Variants in SPATA17 observed in about 807,000 individuals in gnomAD.
SPATA17 encodes spermatogenesis associated 17, also known as spermatogenesis-associated protein 17.
A neutral mutation model predicts 62.2 loss-of-function variants in SPATA17; 53 were observed. That is an observed-to-expected ratio of 0.85 (90% CI 0.68 to 1.07). SPATA17 has a LOEUF of 1.07. Ranked by LOEUF, SPATA17 falls within the 50% of genes least tolerant of loss-of-function variation. The probability of loss-of-function intolerance (pLI) is 0.00; values close to 1 mark genes in which losing one functional copy is unlikely to be tolerated. For synonymous variants in SPATA17, 146 were observed against 146.8 expected (o/e 0.99, Z 0.04); for missense variants, 466 against 425.5 (o/e 1.10, Z -0.84).
intron 8 of SPATA17, among the ~76,000 whole-genome samples, chr1:217,793,751 A>G (rs1051588491): frequency 6.6e-6 from 1 of 152,152 alleles, no homozygotes; most frequent in Non-Finnish European, 1.5e-5. Flanking sequence ...ACCAGGAGCG[A>G]TTGTGCAAAT....
intron 5 of SPATA17, among the ~76,000 whole-genome samples, chr1:217,711,085 T>TTCATCGTATGAATAAA (rs1671851123): frequency 6.6e-6 from 1 of 152,234 alleles, no homozygotes; most frequent in African/African-American, 2.4e-5. Context: ...TTGAGATGTT[T>TTCATCGTATGAATAAA]CCACTTTTTG....
intron 9 of SPATA17, among the ~76,000 whole-genome samples, chr1:217,828,852 T>A (rs368655288): frequency 2.6e-5 from 4 of 152,178 alleles, no homozygotes; most frequent in South Asian, 4.1e-4. Flanking sequence ...ATGCTCAGTA[T>A]TACTAATCAT....
At chr1:217,768,678 G>C (rs535360772) in intron 6 of SPATA17, among the ~76,000 whole-genome samples, 4 of 152,080 alleles carry the variant, frequency 2.6e-5, no homozygotes, top group African/African-American at 9.6e-5. Context: ...ATTTTTGGTA[G>C]AGATGGGGTT....
At chr1:217,755,892 C>T (rs1260328541) in intron 6 of SPATA17, among the ~76,000 whole-genome samples, 1 of 151,988 alleles carries the variant, frequency 6.6e-6, no homozygotes, top group African/African-American at 2.4e-5. Flanking sequence ...AAATCAACCT[C>T]GTTTGCTATT....
intron 5 of SPATA17, among the ~76,000 whole-genome samples, chr1:217,714,544 G>T (rs1016754749): frequency 2.1e-5 from 3 of 140,328 alleles, no homozygotes; most frequent in African/African-American, 8.1e-5. Flanking sequence ...GAGTGCAGTG[G>T]CACAATCTTG....
chr1:217,698,673 A>G (rs190510369), intron 5 of SPATA17, among the ~76,000 whole-genome samples: 1 of 151,440 alleles, frequency 6.6e-6, no homozygotes, highest in East Asian at 1.9e-4. Flanking sequence ...GTTGACCTTG[A>G]TACAAGCCAT....
chr1:217,837,228 T>C (rs924946509), intron 9 of SPATA17, among the ~76,000 whole-genome samples: 10 of 152,122 alleles, frequency 6.6e-5, no homozygotes, highest in African/African-American at 2.4e-4. Flanking sequence ...TTAAAAACAG[T>C]AATATGGCTA....
Position 217,683,349 on chromosome 1 carries a change from A to G in SPATA17, c.383A>G (p.Asn128Ser), listed in dbSNP as rs1275264545. ...KEYLKVVSET[N>S]DAIRKALEEF... ...TACCTGAAAGTCGTTTCAGAGACCA[A>G]TGATGCAATTAGGTAAGTAGTGCAA... is the stretch of plus-strand genomic sequence containing the variant. Residue 128 changes from asparagine to serine, a missense_variant, in exon 5 of 11, where the codon AAT becomes AGT. Transcript: ENST00000366933. The G allele has an allele frequency of 1.2e-6, 2 of 1,603,778 alleles. No homozygotes were observed. Among genetic ancestry groups the G allele is most frequent in the Non-Finnish European group, 8.5e-7 (1 of 1,172,276 alleles).
At position 217,774,430 on chromosome 1, in the gene SPATA17, G is replaced by C; in HGVS notation, c.616G>C (p.Val206Leu). 6.2e-7 allele frequency: 1 copy of C among 1,614,094 alleles called. No homozygotes were observed. Among genetic ancestry groups the C allele is most frequent in the Non-Finnish European group, 8.5e-7 (1 of 1,180,002 alleles). The change falls in exon 7 of 11, where the codon GTT becomes CTT. Residue 206 changes from valine to leucine, a missense_variant. Val to Leu is a conservative substitution (Grantham distance 32). Transcript: ENST00000366933. ...GCCTTTAACACACCGAAGACCTAAA[G>C]TTAAGCAGAAGGACTCCACCAGCCT... ...AKPLTHRRPK[V>L]KQKDSTSLTD...
intron 9 of SPATA17, among the ~76,000 whole-genome samples, chr1:217,852,160 T>C (rs1464878143): frequency 6.6e-6 from 1 of 152,168 alleles, no homozygotes; most frequent in African/African-American, 2.4e-5. Context: ...ATACCTGACA[T>C]TGACAAAAGT....
At chr1:217,865,526 G>A (rs1272027077) in intron 10 of SPATA17, among the ~76,000 whole-genome samples, 1 of 152,058 alleles carries the variant, frequency 6.6e-6, no homozygotes. Flanking sequence ...TCCTTTTAGT[G>A]TCTTTAATTT....
intron 3 of SPATA17, among the ~76,000 whole-genome samples, chr1:217,668,476 G>C (rs942467945): frequency 2.0e-5 from 3 of 152,092 alleles, no homozygotes; most frequent in African/African-American, 7.2e-5. Context: ...AATATTAAAT[G>C]AAACAAAATT....
intron 5 of SPATA17, among the ~76,000 whole-genome samples, chr1:217,695,964 C>T (rs1671446054): frequency 6.7e-6 from 1 of 149,192 alleles, no homozygotes. Context: ...GTGCCCTGCC[C>T]CCAGAGGTGG....
chr1:217,799,230 A>G (rs180715802), intron 8 of SPATA17, among the ~76,000 whole-genome samples: 2 of 152,328 alleles, frequency 1.3e-5, no homozygotes, highest in East Asian at 1.9e-4. Context: ...TTCATGAAAC[A>G]TGATGGCTAA....
In SPATA17 at chr1:217,650,506, TC is replaced by T. The variant is rs200889455; in HGVS notation, c.159-588del. On this transcript the variant is annotated intron_variant, in intron 2 of 10. Transcript: ENST00000366933. ...ATCTCGGCTCACTGCAACCTCTGCC[TC>T]CCTGGTTCAAGTGATTCTCCTGCCT... Among the ~76,000 whole-genome samples the T allele has an allele frequency of 3.9e-3, 600 of 152,192 alleles. 5 individuals are homozygous for T. The highest frequency in any genetic ancestry group is 0.014 in the African/African-American group (563 of 41,518).
At chr1:217,743,154 A>C (rs554319195) in intron 6 of SPATA17, among the ~76,000 whole-genome samples, 9 of 152,234 alleles carry the variant, frequency 5.9e-5, no homozygotes, top group African/African-American at 1.9e-4. Flanking sequence ...TACGTAGCTA[A>C]GTTACAGATA....
At chr1:217,811,209 T>C (rs1026222263) in intron 9 of SPATA17, among the ~76,000 whole-genome samples, 1 of 151,996 alleles carries the variant, frequency 6.6e-6, no homozygotes, top group Non-Finnish European at 1.5e-5. Context: ...AATTTTTGTA[T>C]TTTTTGTAGA....
chr1:217,866,675 T>C (rs1315115088), intron 10 of SPATA17: 1 of 152,108 alleles, frequency 6.6e-6, no homozygotes, highest in African/African-American at 2.4e-5. Context: ...TTACCCAGAC[T>C]TGATCATGAC....
intron 5 of SPATA17, among the ~76,000 whole-genome samples, chr1:217,731,893 A>G (rs1180567205): frequency 6.6e-6 from 1 of 152,198 alleles, no homozygotes; most frequent in East Asian, 1.9e-4. Context: ...TTTAGGATAA[A>G]TAGGAAATTG....
Sources: allele counts gnomAD v4.1 joint callset (sites outside exome capture counted in the v4.1 genomes callset), GRCh38; gene constraint gnomAD v4.1.1; transcripts MANE v1.5; gene names NCBI Gene and HGNC (gene_info 2026-07-23, HGNC 2026-07-21).